KCNQ5: variants seen among roughly 807,000 people sequenced by gnomAD.
KCNQ5 encodes the protein potassium voltage-gated channel subfamily Q member 5.
A neutral mutation model predicts 98.2 loss-of-function variants in KCNQ5; 30 were observed. The observed-to-expected ratio is 0.31, with a 90% CI of 0.23 to 0.41. KCNQ5 has a LOEUF of 0.41. Ranked by LOEUF, KCNQ5 falls within the 10% of genes least tolerant of loss-of-function variation. The pLI, the probability that KCNQ5 is intolerant of heterozygous loss-of-function variation, is 1.00. For missense variants in KCNQ5, 835 were observed against 1,182.5 expected, an observed-to-expected ratio of 0.71 and a Z score of 4.31; for synonymous variants, 458 against 449.4, an observed-to-expected ratio of 1.02 and a Z score of -0.24.
intron 1 of KCNQ5, among the ~76,000 whole-genome samples, chr6:72,756,698 T>C (rs1016785741): frequency 6.6e-6 from 1 of 152,104 alleles, no homozygotes; most frequent in Non-Finnish European, 1.5e-5. Flanking sequence ...TCTGCTGATA[T>C]TAACCTTGTG....
chr6:73,036,302 C>T (rs1297145010), intron 2 of KCNQ5, among the ~76,000 whole-genome samples: 1 of 146,502 alleles, frequency 6.8e-6, no homozygotes, highest in Non-Finnish European at 1.5e-5. Flanking sequence ...AGGCGAATGG[C>T]ATTAACCAGG....
intron 11 of KCNQ5, among the ~76,000 whole-genome samples, chr6:73,185,589 G>A (rs1009295835): frequency 6.6e-6 from 1 of 152,030 alleles, no homozygotes; most frequent in Non-Finnish European, 1.5e-5. Flanking sequence ...TAGGGTTTTT[G>A]TGGACCTACA....
intron 1 of KCNQ5, among the ~76,000 whole-genome samples, chr6:72,783,821 A>C (rs1160190328): frequency 6.6e-6 from 1 of 152,152 alleles, no homozygotes; most frequent in African/African-American, 2.4e-5. Context: ...GCATCTTTTC[A>C]ACTTTCCTTT....
At chr6:72,788,015 C>A (rs1465473277) in intron 1 of KCNQ5, among the ~76,000 whole-genome samples, 1 of 152,206 alleles carries the variant, frequency 6.6e-6, no homozygotes, top group African/African-American at 2.4e-5. Context: ...AGACAACTTA[C>A]ATTCCAATTG....
intron 11 of KCNQ5, among the ~76,000 whole-genome samples, chr6:73,181,027 T>C (rs1156854698): frequency 6.6e-6 from 1 of 152,352 alleles, no homozygotes; most frequent in South Asian, 2.1e-4. Flanking sequence ...TTAGAACTCA[T>C]GGCAGCACAA....
intron 10 of KCNQ5, among the ~76,000 whole-genome samples, chr6:73,151,991 C>T (rs937841374): frequency 2.6e-5 from 4 of 152,184 alleles, no homozygotes; most frequent in Non-Finnish European, 4.4e-5. Context: ...TGCTTTCACA[C>T]GGGAATTTTC....
intron 5 of KCNQ5, among the ~76,000 whole-genome samples, chr6:73,102,487 C>T (rs1774823593): frequency 6.6e-6 from 1 of 152,048 alleles, no homozygotes; most frequent in Admixed American, 6.6e-5. Context: ...TGCAAATTAT[C>T]CATCTGACAA....
rs372527304 is a variant in KCNQ5 at position 73,067,673 on chromosome 6, G to A, written c.617-9649G>A. Among the ~76,000 whole-genome samples, 9 of 152,210 alleles carry A rather than the reference G, an allele frequency of 5.9e-5. No homozygotes were observed. In the East Asian group the frequency reaches 7.7e-4, roughly 13 times the overall value. ...GTCTGTGTACTGAGCATCCCGCACA[G>A]CCTCATACATCAGAGGTACTCAATA... On this transcript the variant is annotated intron_variant, in intron 3 of 13. Transcript: ENST00000370398.
At chr6:72,913,031 C>G (rs979636097) in intron 1 of KCNQ5, among the ~76,000 whole-genome samples, 4 of 152,068 alleles carry the variant, frequency 2.6e-5, no homozygotes, top group African/African-American at 9.7e-5. Flanking sequence ...TGTAACAAAC[C>G]TGCACATGTA....
intron 3 of KCNQ5, among the ~76,000 whole-genome samples, chr6:73,052,927 G>A (rs1351182915): frequency 6.6e-6 from 1 of 152,120 alleles, no homozygotes; most frequent in Non-Finnish European, 1.5e-5. Context: ...TGGGCTAAAT[G>A]CCCAATTAAA....
intron 1 of KCNQ5, among the ~76,000 whole-genome samples, chr6:72,688,165 C>A (rs1582116780): frequency 3.3e-5 from 5 of 152,146 alleles, no homozygotes; most frequent in Admixed American, 3.3e-4. Flanking sequence ...CTATACTGAG[C>A]AGAGTTTACA....
intron 5 of KCNQ5, among the ~76,000 whole-genome samples, chr6:73,095,264 A>G (rs868371248): frequency 6.6e-5 from 10 of 152,134 alleles, no homozygotes; most frequent in African/African-American, 2.2e-4. Context: ...TCCAAAGTTT[A>G]CTGAAGTTTT....
chr6:72,819,957 C>A (rs1775677552), intron 1 of KCNQ5, among the ~76,000 whole-genome samples: 1 of 152,180 alleles, frequency 6.6e-6, no homozygotes, highest in Non-Finnish European at 1.5e-5. Flanking sequence ...CTTCTCTGCT[C>A]CCATTCCTTC....
intron 1 of KCNQ5, among the ~76,000 whole-genome samples, chr6:72,723,046 C>G (rs1420325803): frequency 6.6e-6 from 1 of 151,868 alleles, no homozygotes; most frequent in African/African-American, 2.4e-5. Context: ...GATGGGGTTT[C>G]ACCTTGCTGC....
intron 1 of KCNQ5, among the ~76,000 whole-genome samples, chr6:72,918,176 C>T (rs1268979835): frequency 1.3e-5 from 2 of 152,090 alleles, no homozygotes; most frequent in African/African-American, 4.8e-5. Context: ...AACGTGGCCT[C>T]TTGGGAACTG....
At chr6:72,980,354 G>C (rs1311297989) in intron 1 of KCNQ5, among the ~76,000 whole-genome samples, 1 of 152,044 alleles carries the variant, frequency 6.6e-6, no homozygotes, top group Non-Finnish European at 1.5e-5. Flanking sequence ...TTATTTCATT[G>C]AGCAGTGGTT....
intron 1 of KCNQ5, among the ~76,000 whole-genome samples, chr6:72,665,767 G>A (rs1437728178): frequency 6.6e-6 from 1 of 152,192 alleles, no homozygotes; most frequent in African/African-American, 2.4e-5. Context: ...GGTGCCAGAA[G>A]TTATATAACG....
intron 10 of KCNQ5, 24 bp downstream of exon 10, chr6:73,133,665 A>T: frequency 6.3e-7 from 1 of 1,593,568 alleles, no homozygotes; most frequent in Non-Finnish European, 8.6e-7. Context: ...TTCCATAACC[A>T]TTTTTAATTG....
chr6:72,962,203 A>C (rs1353316931), intron 1 of KCNQ5, among the ~76,000 whole-genome samples: 4 of 94,946 alleles, frequency 4.2e-5, no homozygotes, highest in Non-Finnish European at 8.8e-5. Flanking sequence ...ATATATATAC[A>C]TATATATATA....
Sources: gnomAD v4.1 joint callset for allele counts (sites outside exome capture counted in the v4.1 genomes callset) on GRCh38, gnomAD v4.1.1 for gene constraint, MANE v1.5 for transcripts, NCBI Gene and HGNC (gene_info 2026-07-23, HGNC 2026-07-21) for gene names.